Variants in ERBB4 observed in about 807,000 individuals in gnomAD.
ERBB4 encodes receptor tyrosine-protein kinase erbB-4.
ERBB4 carries 42 observed loss-of-function variants against 158.0 expected under a neutral mutation model. The ratio of observed to expected loss-of-function variants is 0.27; its 90% CI spans 0.21 to 0.34. The LOEUF (loss-of-function observed/expected upper bound fraction) is 0.34, where lower values mean the gene tolerates loss of function less well. Ranked by LOEUF, ERBB4 falls within the 10% of genes least tolerant of loss-of-function variation. ERBB4 has a pLI of 1.00. For missense variants in ERBB4, 1,333 were observed against 1,624.1 expected (o/e 0.82, Z 3.08); for synonymous variants, 583 against 558.7 (o/e 1.04, Z -0.61).
At chr2:211,820,587 C>T (rs890945995) in intron 3 of ERBB4, among the ~76,000 whole-genome samples, 6 of 151,866 alleles carry the variant, frequency 4.0e-5, no homozygotes, top group African/African-American at 1.4e-4. Flanking sequence ...TTTAACTAGG[C>T]CAGTATAACC....
At chr2:211,456,132 C>T (rs987182750) in intron 20 of ERBB4, among the ~76,000 whole-genome samples, 14 of 152,116 alleles carry the variant, frequency 9.2e-5, no homozygotes, top group Non-Finnish European at 1.8e-4. Flanking sequence ...AATTTGAAGT[C>T]TGTTTTATTC....
intron 1 of ERBB4, among the ~76,000 whole-genome samples, chr2:212,271,375 T>C (rs1057379828): frequency 1.3e-5 from 2 of 151,786 alleles, no homozygotes; most frequent in Non-Finnish European, 2.9e-5. Context: ...TTTTTTCATA[T>C]GTGGTATTTT....
intron 1 of ERBB4, among the ~76,000 whole-genome samples, chr2:212,441,622 A>T (rs1400361263): frequency 6.6e-6 from 1 of 152,138 alleles, no homozygotes; most frequent in Non-Finnish European, 1.5e-5. Context: ...ATAGAGTTGG[A>T]TCAGGCTGAA....
At chr2:211,975,329 T>C (rs2125214761) in intron 2 of ERBB4, among the ~76,000 whole-genome samples, 1 of 152,336 alleles carries the variant, frequency 6.6e-6, no homozygotes, top group Admixed American at 6.5e-5. Context: ...TATACTATCA[T>C]AACCTATTCT....
intron 19 of ERBB4, among the ~76,000 whole-genome samples, chr2:211,590,190 C>T (rs935408124): frequency 2.0e-5 from 3 of 152,180 alleles, no homozygotes; most frequent in Admixed American, 2.0e-4. Flanking sequence ...CCAACTTAAA[C>T]GACTCCATCG....
intron 1 of ERBB4, among the ~76,000 whole-genome samples, chr2:212,510,368 G>A (rs985933732): frequency 6.6e-6 from 1 of 151,618 alleles, no homozygotes; most frequent in African/African-American, 2.4e-5. Context: ...TTGACAAGGT[G>A]CAGAAGAAAG....
chr2:211,633,844 A>G (rs1315415455), intron 16 of ERBB4, among the ~76,000 whole-genome samples: 2 of 152,052 alleles, frequency 1.3e-5, no homozygotes, highest in Non-Finnish European at 2.9e-5. Flanking sequence ...ACATCTAACA[A>G]AGGTCAAATA....
At chr2:212,414,486 T>A (rs920433914) in intron 1 of ERBB4, among the ~76,000 whole-genome samples, 1 of 152,200 alleles carries the variant, frequency 6.6e-6, no homozygotes, top group Non-Finnish European at 1.5e-5. Context: ...CTGTAATAAC[T>A]TTATATGGCT....
At chr2:212,164,370 C>A (rs2081287765) in intron 1 of ERBB4, among the ~76,000 whole-genome samples, 1 of 151,974 alleles carries the variant, frequency 6.6e-6, no homozygotes, top group Non-Finnish European at 1.5e-5. Context: ...AAGTATATTA[C>A]TAAACTAATT....
chr2:211,667,808 T>C (rs2071686319), intron 14 of ERBB4, among the ~76,000 whole-genome samples: 1 of 152,228 alleles, frequency 6.6e-6, no homozygotes, highest in African/African-American at 2.4e-5. Context: ...AGTCAAAAGA[T>C]ATAAAGTTGT....
intron 1 of ERBB4, among the ~76,000 whole-genome samples, chr2:212,263,719 T>TA (rs1024741027): frequency 6.6e-6 from 1 of 151,988 alleles, no homozygotes; most frequent in Non-Finnish European, 1.5e-5. Context: ...GGTCCCATAA[T>TA]AAAAGAGTTC....
rs76866549 is a variant in ERBB4, at chr2:212,477,450, A to G, written c.82+60999T>C. Among the ~76,000 whole-genome samples the G allele has an allele frequency of 3.0e-3, 462 of 152,298 alleles. 2 individuals carry two copies. Among genetic ancestry groups the G allele is most frequent in the African/African-American group, 0.011 (443 of 41,584 alleles). ...GTGCAGTACACCCTCAGGACCACAA[A>G]CACTTTACATTTATCTGTATTTATC... is the stretch of plus-strand genomic sequence containing the variant. On this transcript the variant is annotated intron_variant, in intron 1 of 27. Transcript: ENST00000342788.
intron 1 of ERBB4, among the ~76,000 whole-genome samples, chr2:212,241,145 T>C (rs570692756): frequency 2.5e-4 from 38 of 152,120 alleles, no homozygotes; most frequent in African/African-American, 9.2e-4. Context: ...ACATTCCAGC[T>C]CTTTGGGAGG....
At chr2:211,613,085 G>C (rs567397367) in intron 19 of ERBB4, among the ~76,000 whole-genome samples, 3 of 152,148 alleles carry the variant, frequency 2.0e-5, no homozygotes, top group Non-Finnish European at 4.4e-5. Flanking sequence ...CAATATTAAG[G>C]ATGGAGACAA....
intron 1 of ERBB4, among the ~76,000 whole-genome samples, chr2:212,315,489 G>T (rs768442166): frequency 2.0e-5 from 3 of 151,272 alleles, no homozygotes; most frequent in Non-Finnish European, 4.4e-5. Flanking sequence ...TTTAAAACAG[G>T]TATATAGCAA....
chr2:212,006,013 A>AG (rs1295285958), intron 2 of ERBB4, among the ~76,000 whole-genome samples: 10 of 152,168 alleles, frequency 6.6e-5, no homozygotes, highest in Non-Finnish European at 1.2e-4. Flanking sequence ...ACTGAAAAGG[A>AG]GAAAAAAAAG....
chr2:212,308,292 T>C (rs1347016812), intron 1 of ERBB4, among the ~76,000 whole-genome samples: 2 of 151,144 alleles, frequency 1.3e-5, no homozygotes, highest in Admixed American at 6.6e-5. Flanking sequence ...TTCACAAAAA[T>C]AATTAGTTTT....
chr2:211,911,821 C>CTTT (rs201039133), intron 3 of ERBB4, among the ~76,000 whole-genome samples: 4 of 137,318 alleles, frequency 2.9e-5, no homozygotes, highest in African/African-American at 1.0e-4. Context: ...TTATTCTTTT[C>CTTT]TTTTTTTTTT....
At chr2:211,866,231 A>G (rs2078202865) in intron 3 of ERBB4, among the ~76,000 whole-genome samples, 1 of 152,198 alleles carries the variant, frequency 6.6e-6, no homozygotes, top group South Asian at 2.1e-4. Flanking sequence ...AGCCTGGGCA[A>G]CAGAGCGAGG....
Sources: allele counts gnomAD v4.1 joint callset (sites outside exome capture counted in the v4.1 genomes callset), GRCh38; gene constraint gnomAD v4.1.1; transcripts MANE v1.5; gene names NCBI Gene and HGNC (gene_info 2026-07-23, HGNC 2026-07-21).